The following TTC19 variants were observed in gnomAD, a reference collection of about 807,000 sequenced individuals.
TTC19 encodes tetratricopeptide repeat domain 19, also known as tetratricopeptide repeat protein 19, mitochondrial.
Under a neutral mutation model 49.5 loss-of-function variants are expected in TTC19, and 38 were observed. The ratio of observed to expected loss-of-function variants is 0.77; its 90% CI spans 0.59 to 1.01. The LOEUF (loss-of-function observed/expected upper bound fraction) is 1.01. Among genes scored for constraint, TTC19 ranks in the 50% least tolerant of loss-of-function variants. The pLI, the probability that TTC19 is intolerant of heterozygous loss-of-function variation, is 0.00. For synonymous variants in TTC19, 204 were observed against 185.2 expected, an observed-to-expected ratio of 1.10 and a Z score of -0.83; for missense variants, 475 against 477.7, an observed-to-expected ratio of 0.99 and a Z score of 0.05.
chr17:16,000,083 GC>G (rs1429653081), intron 1 of TTC19, 34 bp from the exon 2 acceptor site: 5 of 1,427,050 alleles, frequency 3.5e-6, no homozygotes, highest in Non-Finnish European at 4.6e-6. Flanking sequence ...AGGGGCGCGG[GC>G]CGGGCCCGAT....
In TTC19 at chr17:16,026,573, C is replaced by T. The variant is rs138508099; in HGVS notation, c.865C>T (p.Leu289=). The T allele has an allele frequency of 1.4e-4, 231 of 1,614,022 alleles. No homozygotes were observed. The highest frequency in any genetic ancestry group is 1.8e-4 in the Admixed American group (11 of 60,004). ...GCTGATGAGTGACCTGGCTACTACC[C>T]TGGATGCACAGGGCCGCTTTGATGA... ...IVLMSDLATT[L]DAQGRFDEAY... Residue 289 remains leucine (L), a synonymous_variant, in exon 9 of 10, where the codon CTG becomes TTG. Coordinates refer to ENST00000261647, the MANE Select transcript of TTC19 (RefSeq NM_017775.4).
chr17:16,030,051 A>T (rs952950150), downstream of TTC19: 1 of 175,312 alleles, frequency 5.7e-6, no homozygotes, highest in Non-Finnish European at 1.2e-5. Context: ...TTAACTACTC[A>T]TGGCCTACTG....
intron 7 of TTC19, among the ~76,000 whole-genome samples, chr17:16,019,411 T>C (rs1365899269): frequency 6.6e-6 from 1 of 152,182 alleles, no homozygotes; most frequent in Non-Finnish European, 1.5e-5. Flanking sequence ...GTACAATTGG[T>C]TTTGTAGTTT....
At chr17:16,024,703 G>T (rs1323393977) in intron 7 of TTC19, 3 of 373,854 alleles carry the variant, frequency 8.0e-6, no homozygotes, top group Admixed American at 8.4e-5. Flanking sequence ...TACCATACAG[G>T]TTTTTCATTG....
chr17:16,000,759 A>G (rs1970702035), intron 2 of TTC19, among the ~76,000 whole-genome samples: 1 of 152,014 alleles, frequency 6.6e-6, no homozygotes, highest in African/African-American at 2.4e-5. Flanking sequence ...TTGTATTTCC[A>G]TTCTGTAGTG....
chr17:16,000,675 TC>T (rs1055126353), intron 2 of TTC19, among the ~76,000 whole-genome samples: 24 of 152,140 alleles, frequency 1.6e-4, no homozygotes, highest in African/African-American at 5.6e-4. Context: ...TATTTTTTTT[TC>T]CTCCTCTTTT....
At position 16,000,196 on chromosome 17, in the gene TTC19, G is replaced by C. The variant is rs1176900935; in HGVS notation, c.263G>C (p.Gly88Ala). Residue 88 changes from glycine to alanine, a missense_variant, in exon 2 of 10, where the codon GGG becomes GCG. By Grantham distance (60) the Gly-to-Ala change is moderately conservative. Transcript: ENST00000261647. ...GCCGACGGGGCCGCTGCCGAGGACG[G>C]GGCGGACGAGGCCGAGGCAGAGATC... Reference protein sequence around the residue: ...QGADGAAAEDGADEAEAEIIQ... With the variant: ...QGADGAAAEDAADEAEAEIIQ... 3 of 1,594,460 alleles carry C rather than the reference G, an allele frequency of 1.9e-6. No individual in the cohort carries two copies. The highest frequency in any genetic ancestry group is 2.5e-6 in the Non-Finnish European group (3 of 1,178,856).
chr17:16,000,575 A>C (rs1379327573), intron 2 of TTC19: 4 of 411,704 alleles, frequency 9.7e-6, no homozygotes, highest in Non-Finnish European at 1.5e-5. Context: ...ATAATTTCGC[A>C]CGTATATAGC....
intron 9 of TTC19, chr17:16,027,052 T>C (rs1171135621): frequency 3.9e-6 from 2 of 507,752 alleles, no homozygotes; most frequent in African/African-American, 3.8e-5. Flanking sequence ...AAGTATCATT[T>C]TGTCAGACAT....
chr17:16,014,919 A>C (rs1971170894), intron 7 of TTC19, among the ~76,000 whole-genome samples: 1 of 152,200 alleles, frequency 6.6e-6, no homozygotes, highest in African/African-American at 2.4e-5. Flanking sequence ...ATATATGAAT[A>C]GATTTATTAC....
chr17:16,043,831 T>A (rs1186423420), intron 2 of TTC19, among the ~76,000 whole-genome samples: 1 of 152,108 alleles, frequency 6.6e-6, no homozygotes, highest in East Asian at 1.9e-4. Context: ...AAATAATAGA[T>A]TAAACTGTTG....
intron 7 of TTC19, among the ~76,000 whole-genome samples, chr17:16,017,693 G>A (rs1320962184): frequency 1.5e-4 from 22 of 147,678 alleles, no homozygotes; most frequent in African/African-American, 5.2e-4. Context: ...CCTGGGAGGC[G>A]GAGGTTGCAG....
At chr17:16,035,530 C>CTT (rs966987249) in intron 2 of TTC19, among the ~76,000 whole-genome samples, 2,626 of 118,280 alleles carry the variant, frequency 0.022, 123 homozygotes, top group African/African-American at 0.078. Flanking sequence ...TTCTCTTGTT[C>CTT]TTTTTTTTTT....
intron 2 of TTC19, chr17:16,039,197 T>G (rs1441635988): frequency 1.9e-6 from 1 of 513,094 alleles, no homozygotes; most frequent in Non-Finnish European, 3.5e-6. Context: ...AAATAAAAAA[T>G]GGACATCCCA....
downstream of TTC19, among the ~76,000 whole-genome samples, chr17:16,033,354 A>AAAAC (rs1369085465): frequency 2.6e-5 from 4 of 151,632 alleles, no homozygotes; most frequent in Non-Finnish European, 1.5e-5. Context: ...AAAAAAAAAA[A>AAAAC]ACCCAAAAAC....
intron 2 of TTC19, among the ~76,000 whole-genome samples, chr17:16,037,433 C>T (rs192030677): frequency 4.9e-4 from 75 of 151,756 alleles, no homozygotes; most frequent in African/African-American, 1.8e-3. Flanking sequence ...CACAATAAAA[C>T]GAGGTATGCT....
chr17:16,036,603 C>A (rs1007575543), intron 2 of TTC19, among the ~76,000 whole-genome samples: 4 of 152,230 alleles, frequency 2.6e-5, no homozygotes, highest in Non-Finnish European at 4.4e-5. Context: ...GCAACATCTT[C>A]ATCAGCACTT....
intron 2 of TTC19, chr17:16,044,328 C>A: frequency 4.3e-6 from 2 of 465,370 alleles, no homozygotes; most frequent in South Asian, 1.6e-5. Context: ...GTGACACTGG[C>A]TCATCCTTTT....
chr17:16,016,711 C>T lies in TTC19; in HGVS notation c.677-8306C>T, dbSNP rs190918449. ...TAGCTGGGAGTACAGGTGTGCACCA[C>T]TGCATCTGGCTAATTTTTGTATTTT... On this transcript the variant is annotated intron_variant, in intron 7 of 9. Transcript: ENST00000261647. Among the ~76,000 whole-genome samples the T allele has an allele frequency of 5.8e-4, 89 of 152,160 alleles. 1 individual carries two copies. Among genetic ancestry groups the T allele is most frequent in the Non-Finnish European group, 1.1e-3 (75 of 68,002 alleles).
Sources: allele counts gnomAD v4.1 joint callset (sites outside exome capture counted in the v4.1 genomes callset), GRCh38; gene constraint gnomAD v4.1.1; transcripts MANE v1.5; gene names NCBI Gene and HGNC (gene_info 2026-07-23, HGNC 2026-07-21).